Variants in NWD2 observed in about 807,000 individuals in gnomAD.
NWD2 encodes NACHT and WD repeat domain containing 2, also known as NACHT and WD repeat domain-containing protein 2.
NWD2 carries 37 observed loss-of-function variants against 132.7 expected under a neutral mutation model. That is an observed-to-expected ratio of 0.28 (90% confidence interval 0.21 to 0.37). The LOEUF is 0.37. Among genes scored for constraint, NWD2 ranks in the 10% least tolerant of loss-of-function variants. The pLI, the probability that NWD2 is intolerant of heterozygous loss-of-function variation, is 1.00. For missense variants in NWD2, 1,592 were observed against 2,122.4 expected (o/e 0.75, Z 4.91); for synonymous variants, 705 against 803.0 (o/e 0.88, Z 2.06).
chr4:37,380,150 C>A (rs1307963299), intron 3 of NWD2, among the ~76,000 whole-genome samples: 3 of 152,182 alleles, frequency 2.0e-5, no homozygotes, highest in Non-Finnish European at 4.4e-5. Context: ...TACCAATTTA[C>A]AGATGAAAAA....
chr4:37,341,167 T>C (rs1272185313), intron 2 of NWD2, among the ~76,000 whole-genome samples: 1 of 152,254 alleles, frequency 6.6e-6, no homozygotes, highest in African/African-American at 2.4e-5. Flanking sequence ...CAGTATTCTT[T>C]GAATTACATG....
intron 5 of NWD2, among the ~76,000 whole-genome samples, chr4:37,434,751 C>G (rs1225098800): frequency 6.7e-6 from 1 of 148,196 alleles, no homozygotes; most frequent in Non-Finnish European, 1.5e-5. Context: ...ATTCCAGGAG[C>G]AGGAAAAATA....
intron 1 of NWD2, among the ~76,000 whole-genome samples, chr4:37,302,196 G>A (rs181521910): frequency 1.3e-5 from 2 of 151,978 alleles, no homozygotes; most frequent in African/African-American, 4.8e-5. Context: ...CCACATGTGA[G>A]TGTGAACATG....
intron 3 of NWD2, among the ~76,000 whole-genome samples, chr4:37,375,035 C>T (rs1473140474): frequency 6.6e-6 from 1 of 152,212 alleles, no homozygotes; most frequent in Non-Finnish European, 1.5e-5. Context: ...TGAAAATGAG[C>T]TTCCTTTTGC....
intron 3 of NWD2, among the ~76,000 whole-genome samples, chr4:37,416,151 T>A (rs1401845118): frequency 1.3e-5 from 2 of 152,148 alleles, no homozygotes; most frequent in Non-Finnish European, 2.9e-5. Flanking sequence ...GAGCCTGTTG[T>A]GGGCCAGGCA....
At chr4:37,438,729 T>C in intron 5 of NWD2, 72 bp from the exon 6 acceptor site, 1 of 972,468 alleles carries the variant, frequency 1.0e-6, no homozygotes. Context: ...TGACTAAGTG[T>C]TGACTATTGA....
At chr4:37,331,637 A>C (rs1283815073) in intron 2 of NWD2, among the ~76,000 whole-genome samples, 1 of 152,230 alleles carries the variant, frequency 6.6e-6, no homozygotes, top group South Asian at 2.1e-4. Flanking sequence ...GAGCAAGATG[A>C]CCAAATAGAA....
At position 37,307,930 on chromosome 4, in the gene NWD2, A is replaced by AT. The variant is rs570035770; in HGVS notation, c.152-17999dup. Among the ~76,000 whole-genome samples, 745 of 152,020 alleles carry AT rather than the reference A, an allele frequency of 4.9e-3. 3 individuals are homozygous for AT. Among genetic ancestry groups the AT allele is most frequent in the African/African-American group, 0.017 (692 of 41,486 alleles). On this transcript the variant is annotated intron_variant, in intron 1 of 6. Transcript: ENST00000309447. ...ATTTTTTAAAAAAATGGATTCATTG[A>AT]TTTTTTTAGTTTCCAATTTGGTCCT...
At chr4:37,375,774 A>T (rs1008907526) in intron 3 of NWD2, among the ~76,000 whole-genome samples, 1 of 152,120 alleles carries the variant, frequency 6.6e-6, no homozygotes, top group Non-Finnish European at 1.5e-5. Flanking sequence ...TCACCGTGTT[A>T]GCCAGGATGG....
chr4:37,425,478 G>C (rs760015609), intron 3 of NWD2, among the ~76,000 whole-genome samples: 18 of 152,284 alleles, frequency 1.2e-4, no homozygotes, highest in Non-Finnish European at 1.9e-4. Flanking sequence ...GGATGGGAGA[G>C]AGGTGACTAT....
At chr4:37,379,641 A>G (rs1370698777) in intron 3 of NWD2, among the ~76,000 whole-genome samples, 1 of 152,192 alleles carries the variant, frequency 6.6e-6, no homozygotes, top group Non-Finnish European at 1.5e-5. Flanking sequence ...ACATGAGTAG[A>G]TGATGAAGTA....
intron 1 of NWD2, among the ~76,000 whole-genome samples, chr4:37,292,770 G>A (rs1358934328): frequency 6.6e-6 from 1 of 152,144 alleles, no homozygotes. Flanking sequence ...CAGATCATCA[G>A]GCATTAGGTT....
At chr4:37,335,184 C>T (rs1420366504) in intron 2 of NWD2, among the ~76,000 whole-genome samples, 1 of 151,218 alleles carries the variant, frequency 6.6e-6, no homozygotes, top group Non-Finnish European at 1.5e-5. Context: ...TTATCTGTGA[C>T]TCTTTCCCAC....
At chr4:37,253,735 A>G (rs1203079122) in intron 1 of NWD2, among the ~76,000 whole-genome samples, 1 of 152,134 alleles carries the variant, frequency 6.6e-6, no homozygotes, top group Non-Finnish European at 1.5e-5. Context: ...AAAGTCACAT[A>G]TTTCTCTATA....
intron 3 of NWD2, among the ~76,000 whole-genome samples, chr4:37,391,066 G>A (rs779662514): frequency 6.6e-6 from 1 of 152,034 alleles, no homozygotes; most frequent in Non-Finnish European, 1.5e-5. Flanking sequence ...TCCAGTTTGG[G>A]TGCATTTACC....
At chr4:37,436,495 T>C (rs1444766693) in intron 5 of NWD2, among the ~76,000 whole-genome samples, 4 of 152,118 alleles carry the variant, frequency 2.6e-5, no homozygotes, top group African/African-American at 7.2e-5. Context: ...CTCTGCCAAA[T>C]TAGTTTATCT....
intron 3 of NWD2, among the ~76,000 whole-genome samples, chr4:37,396,218 A>G (rs373487844): frequency 1.1e-3 from 167 of 152,230 alleles, no homozygotes; most frequent in South Asian, 1.7e-3. Context: ...TCCTGACACA[A>G]ATGATATTAT....
chr4:37,415,378 G>A (rs1322809482), intron 3 of NWD2, among the ~76,000 whole-genome samples: 1 of 152,250 alleles, frequency 6.6e-6, no homozygotes, highest in East Asian at 1.9e-4. Context: ...TGGAGAAGCT[G>A]GTGATGCCAA....
chr4:37,254,894 A>G (rs1457699502), intron 1 of NWD2, among the ~76,000 whole-genome samples: 1 of 152,194 alleles, frequency 6.6e-6, no homozygotes, highest in Non-Finnish European at 1.5e-5. Context: ...CAGGTGTATT[A>G]TTCCTAGAGT....
Sources: allele counts gnomAD v4.1 joint callset (sites outside exome capture counted in the v4.1 genomes callset), GRCh38; gene constraint gnomAD v4.1.1; transcripts MANE v1.5; gene names NCBI Gene and HGNC (gene_info 2026-07-23, HGNC 2026-07-21).